The following RPS6KA2 variants were observed in gnomAD, a reference collection of about 807,000 sequenced individuals.
The protein encoded by RPS6KA2 is ribosomal protein S6 kinase A2, also known as ribosomal protein S6 kinase alpha-2.
A neutral mutation model predicts 91.8 loss-of-function variants in RPS6KA2; 42 were observed. That is an observed-to-expected ratio of 0.46 (90% CI 0.36 to 0.59). The LOEUF is 0.59. Ranked by LOEUF, RPS6KA2 falls within the 20% of genes least tolerant of loss-of-function variation. The pLI, the probability that RPS6KA2 is intolerant of heterozygous loss-of-function variation, is 0.00. For missense variants in RPS6KA2, 798 were observed against 978.5 expected (o/e 0.82, Z 2.46); for synonymous variants, 414 against 393.6 (o/e 1.05, Z -0.61).
intron 1 of RPS6KA2, among the ~76,000 whole-genome samples, chr6:166,604,061 T>G (rs143412488): frequency 2.0e-5 from 3 of 151,850 alleles, no homozygotes; most frequent in African/African-American, 7.3e-5. Flanking sequence ...TTAAGAAGAG[T>G]TCCATCCTGA....
intron 2 of RPS6KA2, among the ~76,000 whole-genome samples, chr6:166,676,405 C>G (rs1788620811): frequency 6.6e-6 from 1 of 152,182 alleles, no homozygotes; most frequent in East Asian, 1.9e-4. Context: ...GGCCCTGCCC[C>G]AGGCCGGTCT....
At chr6:166,680,111 C>T (rs1460840433) in intron 2 of RPS6KA2, among the ~76,000 whole-genome samples, 2 of 152,058 alleles carry the variant, frequency 1.3e-5, no homozygotes, top group South Asian at 4.1e-4. Flanking sequence ...GGTTTGTAAA[C>T]GTGCCAATCA....
Position 166,648,021 on chromosome 6 carries a change from CAT to C in RPS6KA2, c.124-109239_124-109238del, listed in dbSNP as rs767683243. On this transcript the variant is annotated intron_variant, in intron 2 of 21. Transcript: ENST00000503859. This position sits in a 1 kb window ranked among gnomAD's most constrained non-coding sequence, Gnocchi z 4.8. ...GCTCACACACGCACATGCTTACACA[CAT>C]ACATACACACATGCTCTCACACACA... Among the ~76,000 whole-genome samples, 227 of 145,594 alleles carry C rather than the reference CAT, an allele frequency of 1.6e-3. 1 individual carries two copies. Among genetic ancestry groups the C allele is most frequent in the South Asian group, 8.6e-3 (37 of 4,326 alleles).
intron 1 of RPS6KA2, among the ~76,000 whole-genome samples, chr6:166,567,174 C>G (rs1348161253): frequency 1.3e-5 from 2 of 152,228 alleles, no homozygotes; most frequent in African/African-American, 4.8e-5. Context: ...CACAAAAGCA[C>G]CCTTTAATCG....
intron 10 of RPS6KA2, 35 bp downstream of exon 10, chr6:166,488,798 A>G (rs774830982): frequency 6.4e-7 from 1 of 1,555,098 alleles, no homozygotes; most frequent in South Asian, 1.1e-5. Flanking sequence ...AGCGCCCTGC[A>G]CGTTCCCGTG....
In RPS6KA2 at chr6:166,821,518, G is replaced by A. The variant is rs899999821; in HGVS notation, c.123+36682C>T. Among the ~76,000 whole-genome samples, 3 of 152,148 alleles carry A rather than the reference G, an allele frequency of 2.0e-5. No individual in the cohort carries two copies. The highest frequency in any genetic ancestry group is 7.2e-5 in the African/African-American group (3 of 41,424). ...TGCAGTCAGTCTCCATCCTTAGCCTGGCACGGGTCTGCCCTGTCCATGTGC... is the reference window on the plus strand; with the variant it reads ...TGCAGTCAGTCTCCATCCTTAGCCTAGCACGGGTCTGCCCTGTCCATGTGC... On this transcript the variant is annotated intron_variant, in intron 2 of 21. Transcript: ENST00000503859. This position sits in a 1 kb window ranked among gnomAD's most constrained non-coding sequence, Gnocchi z 4.1.
At chr6:166,697,055 A>ATGTG (rs749210191) in intron 2 of RPS6KA2, among the ~76,000 whole-genome samples, 4 of 137,112 alleles carry the variant, frequency 2.9e-5, no homozygotes, top group African/African-American at 5.7e-5. Flanking sequence ...GTGTGTATAT[A>ATGTG]TATGTGTGTG....
intron 2 of RPS6KA2, among the ~76,000 whole-genome samples, chr6:166,743,217 G>T (rs1056953798): frequency 6.6e-6 from 1 of 152,152 alleles, no homozygotes; most frequent in Non-Finnish European, 1.5e-5. Flanking sequence ...GGTTCACAAA[G>T]GAAACTTCAC....
rs535774324 is a variant in RPS6KA2 at position 166,474,620 on chromosome 6, G to T, written c.908-4715C>A. 3.9e-3 allele frequency among the ~76,000 whole-genome samples: 574 copies of T among 146,318 alleles called. 3 individuals carry two copies. Among genetic ancestry groups the T allele is most frequent in the African/African-American group, 0.014 (543 of 37,674 alleles). On this transcript the variant is annotated intron_variant, in intron 10 of 20. Transcript: ENST00000265678. ...TCACTGCAAACTCCTGTCCTGGGGG[G>T]GAAGTCGGGAGATAACAAATAACAA...
intron 1 of RPS6KA2, among the ~76,000 whole-genome samples, chr6:166,545,486 T>C (rs1562570043): frequency 6.6e-6 from 1 of 152,118 alleles, no homozygotes; most frequent in Non-Finnish European, 1.5e-5. Flanking sequence ...GTAAGGTTCC[T>C]AGAACACAGC....
intron 14 of RPS6KA2, among the ~76,000 whole-genome samples, chr6:166,441,022 T>C (rs1779503811): frequency 6.6e-6 from 1 of 152,154 alleles, no homozygotes; most frequent in Non-Finnish European, 1.5e-5. Context: ...GGACAGAGCA[T>C]CTATTCTGGC....
At chr6:166,791,637 T>G (rs1435499310) in intron 2 of RPS6KA2, among the ~76,000 whole-genome samples, 1 of 152,054 alleles carries the variant, frequency 6.6e-6, no homozygotes, top group East Asian at 1.9e-4. Flanking sequence ...TCAGCAAATG[T>G]AAAAGAACAG....
intron 1 of RPS6KA2, among the ~76,000 whole-genome samples, chr6:166,548,560 T>C (rs1783900066): frequency 6.6e-6 from 1 of 152,178 alleles, no homozygotes; most frequent in African/African-American, 2.4e-5. Flanking sequence ...CCCAGCTGCT[T>C]TTGGAAAAGC....
intron 2 of RPS6KA2, among the ~76,000 whole-genome samples, chr6:166,537,370 C>A (rs1002364756): frequency 1.3e-5 from 2 of 152,244 alleles, no homozygotes; most frequent in African/African-American, 4.8e-5. Flanking sequence ...GCAGGCTCTG[C>A]CTTCTGTGAT....
chr6:166,586,269 C>G (rs1201713196), intron 1 of RPS6KA2: 77 of 1,597,452 alleles, frequency 4.8e-5, no homozygotes, highest in Non-Finnish European at 6.4e-5. Context: ...CCACCCCCAT[C>G]TGTTGTCCCT....
At chr6:166,833,695 G>A (rs567533180) in intron 2 of RPS6KA2, among the ~76,000 whole-genome samples, 7 of 152,252 alleles carry the variant, frequency 4.6e-5, no homozygotes, top group African/African-American at 1.7e-4. Context: ...GTCACCCCTG[G>A]TTTGTTCCTT....
In RPS6KA2 at chr6:166,849,357, T is replaced by C. The variant is rs571022180; in HGVS notation, c.123+8843A>G. 6.6e-6 allele frequency among the ~76,000 whole-genome samples: 1 copy of C among 152,320 alleles called. No homozygotes were observed. Among genetic ancestry groups the C allele is most frequent in the South Asian group, 2.1e-4 (1 of 4,830 alleles). On this transcript the variant is annotated intron_variant, in intron 2 of 21. Coordinates refer to the RPS6KA2 transcript ENST00000503859. This position sits in a 1 kb window ranked among gnomAD's most constrained non-coding sequence, Gnocchi z 4.9. Reference sequence around the variant, plus strand: ...GTACTTACCCCCGTGTGAAACCATCTTGTTGAGCTAGTTGTTTATTTGCGA... The same window carrying C: ...GTACTTACCCCCGTGTGAAACCATCCTGTTGAGCTAGTTGTTTATTTGCGA...
At chr6:166,857,077 G>T (rs554006465) in intron 2 of RPS6KA2, among the ~76,000 whole-genome samples, 47 of 152,302 alleles carry the variant, frequency 3.1e-4, no homozygotes, top group African/African-American at 9.4e-4. Flanking sequence ...TAACCAGTGG[G>T]CTATGTCATC....
intron 12 of RPS6KA2, among the ~76,000 whole-genome samples, chr6:166,457,828 T>C (rs1393616689): frequency 6.6e-6 from 1 of 152,224 alleles, no homozygotes; most frequent in Admixed American, 6.5e-5. Context: ...CAAAGTGGAT[T>C]CTCTAACTTC....
Sources: allele counts gnomAD v4.1 joint callset (sites outside exome capture counted in the v4.1 genomes callset), GRCh38; gene constraint gnomAD v4.1.1; non-coding constraint Gnocchi (gnomAD v3.1); transcripts MANE v1.5; gene names NCBI Gene and HGNC (gene_info 2026-07-23, HGNC 2026-07-21).